Variants in KIAA1328 observed in about 807,000 individuals in gnomAD.
The protein encoded by KIAA1328 is protein hinderin.
Under a neutral mutation model 68.1 loss-of-function variants are expected in KIAA1328, and 52 were observed. The observed-to-expected ratio is 0.76, with a 90% CI of 0.61 to 0.96. KIAA1328 has a LOEUF of 0.96. KIAA1328 is among the 40% of genes least tolerant of loss of function. KIAA1328 has a pLI of 0.00. For missense variants in KIAA1328, 641 were observed against 677.6 expected (o/e 0.95, Z 0.60); for synonymous variants, 232 against 239.4 (o/e 0.97, Z 0.28).
chr18:36,895,639 C>A, intron 5 of KIAA1328: 1 of 391,844 alleles, frequency 2.6e-6, no homozygotes. Context: ...CTGGGCTTAG[C>A]AAGGTTCGTT....
At chr18:36,839,426 A>G (rs545549853) in intron 3 of KIAA1328, among the ~76,000 whole-genome samples, 56 of 152,288 alleles carry the variant, frequency 3.7e-4, no homozygotes, top group Non-Finnish European at 7.5e-4. Context: ...TTTTGTTTAC[A>G]TCTTCCATGT....
chr18:36,979,036 G>A (rs1026032440), intron 6 of KIAA1328, among the ~76,000 whole-genome samples: 20 of 152,220 alleles, frequency 1.3e-4, no homozygotes, highest in Admixed American at 2.0e-4. Flanking sequence ...GTACACACCT[G>A]TATTCCCAGC....
At chr18:36,852,078 G>C (rs1271198055) in intron 4 of KIAA1328, among the ~76,000 whole-genome samples, 1 of 151,950 alleles carries the variant, frequency 6.6e-6, no homozygotes, top group Non-Finnish European at 1.5e-5. Context: ...CCACATATTT[G>C]TGCATTTTTT....
chr18:37,053,938 A>G (rs1385395366), intron 6 of KIAA1328, among the ~76,000 whole-genome samples: 1 of 151,952 alleles, frequency 6.6e-6, no homozygotes, highest in Non-Finnish European at 1.5e-5. Flanking sequence ...TCCAGAACCT[A>G]TAAGGAACTT....
At chr18:37,145,099 A>G (rs1016404836) in intron 7 of KIAA1328, among the ~76,000 whole-genome samples, 26 of 152,052 alleles carry the variant, frequency 1.7e-4, no homozygotes, top group Admixed American at 1.2e-3. Context: ...GCCAGGCATG[A>G]TGGTACATGC....
At chr18:37,174,352 G>A (rs931147791) in intron 9 of KIAA1328, among the ~76,000 whole-genome samples, 7 of 148,850 alleles carry the variant, frequency 4.7e-5, no homozygotes, top group East Asian at 2.0e-4. Flanking sequence ...CTAGTTTGCC[G>A]CATCCTTTCA....
chr18:37,129,797 T>C (rs1013398531), intron 7 of KIAA1328, among the ~76,000 whole-genome samples: 1 of 152,136 alleles, frequency 6.6e-6, no homozygotes, highest in Non-Finnish European at 1.5e-5. Context: ...AGAGGAAATG[T>C]GAATACCAAC....
chr18:36,917,485 T>C (rs933702968), intron 5 of KIAA1328, among the ~76,000 whole-genome samples: 9 of 152,172 alleles, frequency 5.9e-5, no homozygotes, highest in Non-Finnish European at 1.0e-4. Context: ...GTCTCCTGAG[T>C]AGCTGTGATT....
intron 7 of KIAA1328, among the ~76,000 whole-genome samples, chr18:37,152,196 G>T (rs1446038193): frequency 6.6e-6 from 1 of 151,192 alleles, no homozygotes; most frequent in East Asian, 2.0e-4. Flanking sequence ...AAAATTAGTA[G>T]TTCTCAAAGA....
intron 7 of KIAA1328, among the ~76,000 whole-genome samples, chr18:37,085,231 G>A (rs1057245658): frequency 3.9e-5 from 6 of 152,102 alleles, no homozygotes; most frequent in South Asian, 2.1e-4. Context: ...GGGATGGGCT[G>A]CCCAACGCTA....
At chr18:36,891,553 T>C (rs1417067688) in intron 5 of KIAA1328, among the ~76,000 whole-genome samples, 1 of 152,218 alleles carries the variant, frequency 6.6e-6, no homozygotes. Flanking sequence ...AATGAGAACA[T>C]AACGATGTTT....
intron 5 of KIAA1328, among the ~76,000 whole-genome samples, chr18:36,941,668 G>A (rs1042039647): frequency 5.9e-5 from 9 of 151,904 alleles, no homozygotes; most frequent in African/African-American, 2.2e-4. Context: ...ATACTCTCAT[G>A]GAAATAGACA....
At chr18:36,862,364 T>G (rs1038943267) in intron 4 of KIAA1328, among the ~76,000 whole-genome samples, 1 of 152,248 alleles carries the variant, frequency 6.6e-6, no homozygotes, top group Non-Finnish European at 1.5e-5. Context: ...CTTTCCTATC[T>G]GCCTTCTCTA....
At chr18:37,008,161 G>A (rs1013135423) in intron 6 of KIAA1328, among the ~76,000 whole-genome samples, 1 of 152,196 alleles carries the variant, frequency 6.6e-6, no homozygotes, top group African/African-American at 2.4e-5. Flanking sequence ...GCCACAAGAG[G>A]AACCAGGAAA....
intron 7 of KIAA1328, among the ~76,000 whole-genome samples, chr18:37,088,994 A>G (rs1020641036): frequency 6.6e-6 from 1 of 152,176 alleles, no homozygotes; most frequent in Non-Finnish European, 1.5e-5. Flanking sequence ...TTACAAATAT[A>G]TACAACATGT....
intron 4 of KIAA1328, among the ~76,000 whole-genome samples, chr18:36,853,822 A>AT (rs1250536713): frequency 2.0e-5 from 3 of 151,716 alleles, no homozygotes; most frequent in African/African-American, 7.3e-5. Flanking sequence ...AGCCCAGCTA[A>AT]TTTTTTTGTA....
chr18:36,842,023 C>T (rs2046876144), intron 3 of KIAA1328, among the ~76,000 whole-genome samples: 1 of 151,256 alleles, frequency 6.6e-6, no homozygotes, highest in South Asian at 2.1e-4. Context: ...GGGGTTTAGT[C>T]AGTTATTTTA....
intron 6 of KIAA1328, among the ~76,000 whole-genome samples, chr18:36,966,757 C>T (rs1253592428): frequency 2.0e-5 from 3 of 152,192 alleles, no homozygotes; most frequent in Non-Finnish European, 4.4e-5. Flanking sequence ...GACATTAAAA[C>T]ATGGCTGAGA....
intron 5 of KIAA1328, among the ~76,000 whole-genome samples, chr18:36,939,505 G>C (rs1342029713): frequency 6.6e-6 from 1 of 151,858 alleles, no homozygotes; most frequent in Admixed American, 6.6e-5. Context: ...GAGTTCTAAG[G>C]GTTTTCTAAA....
Sources: gnomAD v4.1 joint callset for allele counts (sites outside exome capture counted in the v4.1 genomes callset) on GRCh38, gnomAD v4.1.1 for gene constraint, MANE v1.5 for transcripts, NCBI Gene and HGNC (gene_info 2026-07-23, HGNC 2026-07-21) for gene names.